The following XKR6 variants were observed in gnomAD, a reference collection of about 807,000 sequenced individuals.
XKR6 encodes the protein XK related 6.
XKR6 carries 22 observed loss-of-function variants against 56.7 expected under a neutral mutation model. That is an observed-to-expected ratio of 0.39 (90% CI 0.28 to 0.55). XKR6 has a LOEUF of 0.55. XKR6 is among the 20% of genes least tolerant of loss of function. The pLI is 0.66. For missense variants in XKR6, 852 were observed against 889.0 expected, an observed-to-expected ratio of 0.96 and a Z score of 0.53; for synonymous variants, 524 against 387.8, an observed-to-expected ratio of 1.35 and a Z score of -4.13.
At chr8:11,081,178 G>T (rs1293620632) in intron 1 of XKR6, among the ~76,000 whole-genome samples, 2 of 152,186 alleles carry the variant, frequency 1.3e-5, no homozygotes, top group Non-Finnish European at 2.9e-5. Flanking sequence ...CTTAAGAAAA[G>T]CACTAAAATC....
intron 1 of XKR6, among the ~76,000 whole-genome samples, chr8:11,116,730 G>A (rs183187256): frequency 2.6e-5 from 4 of 152,168 alleles, no homozygotes; most frequent in East Asian, 1.9e-4. Flanking sequence ...TTCGCCTCCC[G>A]AACTCAGATG....
At chr8:10,938,333 A>G (rs143387377) in intron 1 of XKR6, among the ~76,000 whole-genome samples, 1 of 152,202 alleles carries the variant, frequency 6.6e-6, no homozygotes, top group Non-Finnish European at 1.5e-5. Flanking sequence ...CCGGTACCTC[A>G]GATGGAAATG....
At chr8:11,189,255 A>G (rs1045129945) in intron 1 of XKR6, among the ~76,000 whole-genome samples, 2 of 152,198 alleles carry the variant, frequency 1.3e-5, no homozygotes, top group Non-Finnish European at 2.9e-5. Flanking sequence ...GCATAATAAA[A>G]TGCCTCTAAC....
chr8:11,112,671 A>C (rs1165071411), intron 1 of XKR6, among the ~76,000 whole-genome samples: 1 of 152,330 alleles, frequency 6.6e-6, no homozygotes, highest in Non-Finnish European at 1.5e-5. Flanking sequence ...CACTGAGTGC[A>C]CACTGGTTTT....
chr8:11,002,427 A>G lies in XKR6; in HGVS notation c.765-77597T>C, dbSNP rs547690996. 1.3e-4 allele frequency: 52 copies of G among 411,826 alleles called. 1 individual carries two copies. Among genetic ancestry groups the G allele is most frequent in the Admixed American group, 8.9e-4 (32 of 36,090 alleles). 25.5% of individuals were successfully genotyped at this position (411,826 alleles called of 1,614,324 possible). A position where few individuals can be genotyped will look rare whatever the true frequency, so the allele number is the denominator to read the frequency against. ...GGCCTGGGGGAGGCCCGCGTGCAGC[A>G]GTACACAGTGTTTGCAGTTCTCTTC... is the stretch of plus-strand genomic sequence containing the variant. On this transcript the variant is annotated intron_variant, in intron 1 of 2. Coordinates refer to ENST00000416569, the MANE Select transcript of XKR6 (RefSeq NM_173683.4).
intron 1 of XKR6, among the ~76,000 whole-genome samples, chr8:11,149,286 T>G (rs186687324): frequency 2.0e-5 from 3 of 152,332 alleles, no homozygotes; most frequent in African/African-American, 4.8e-5. Context: ...CAAACCTGCA[T>G]GGCAGGCTAC....
chr8:11,093,611 A>T (rs1017218288), intron 1 of XKR6, among the ~76,000 whole-genome samples: 4 of 152,030 alleles, frequency 2.6e-5, no homozygotes, highest in Non-Finnish European at 5.9e-5. Flanking sequence ...GATGCCTTCA[A>T]ATTTAGTTTA....
chr8:11,083,402 A>C (rs1396791202), intron 1 of XKR6, among the ~76,000 whole-genome samples: 1 of 152,100 alleles, frequency 6.6e-6, no homozygotes, highest in Non-Finnish European at 1.5e-5. Context: ...GCTGGGAGCC[A>C]CCTGTCAGGG....
intron 1 of XKR6, among the ~76,000 whole-genome samples, chr8:11,159,654 G>A (rs778750550): frequency 1.1e-4 from 16 of 152,236 alleles, no homozygotes; most frequent in Non-Finnish European, 2.1e-4. Flanking sequence ...GGCAATCTGT[G>A]TTTTGATAAG....
chr8:10,995,034 T>C (rs1798078417), intron 1 of XKR6, among the ~76,000 whole-genome samples: 1 of 152,174 alleles, frequency 6.6e-6, no homozygotes, highest in South Asian at 2.1e-4. Context: ...GGGGCCTCCT[T>C]GTACGAACAG....
intron 2 of XKR6, among the ~76,000 whole-genome samples, chr8:10,912,809 G>A (rs2129111612): frequency 6.9e-6 from 1 of 145,962 alleles, no homozygotes; most frequent in African/African-American, 2.6e-5. Flanking sequence ...TAGAGAGAGA[G>A]GCGAGTATAT....
intron 1 of XKR6, among the ~76,000 whole-genome samples, chr8:11,015,768 G>A (rs2129147114): frequency 6.6e-6 from 1 of 152,206 alleles, no homozygotes; most frequent in Non-Finnish European, 1.5e-5. Context: ...ATTAAGGTGA[G>A]AAGTGGGAGG....
intron 1 of XKR6, among the ~76,000 whole-genome samples, chr8:10,994,989 G>C (rs923965657): frequency 6.6e-6 from 1 of 152,150 alleles, no homozygotes; most frequent in Non-Finnish European, 1.5e-5. Context: ...AGAGAGATGA[G>C]CTCAAGCCCT....
At chr8:10,908,227 G>T (rs1055693796) in intron 2 of XKR6, among the ~76,000 whole-genome samples, 1 of 152,206 alleles carries the variant, frequency 6.6e-6, no homozygotes, top group Admixed American at 6.5e-5. Context: ...CATGCAACGA[G>T]CATGAAGGAA....
At chr8:11,035,027 T>C (rs1434971644) in intron 1 of XKR6, among the ~76,000 whole-genome samples, 1 of 152,170 alleles carries the variant, frequency 6.6e-6, no homozygotes, top group Non-Finnish European at 1.5e-5. Context: ...TGCGTACACA[T>C]TTAGTAGTAG....
At chr8:10,933,707 T>G (rs1039225135) in intron 1 of XKR6, among the ~76,000 whole-genome samples, 2 of 148,892 alleles carry the variant, frequency 1.3e-5, no homozygotes, top group African/African-American at 5.1e-5. Flanking sequence ...CAGATAGTTG[T>G]AGGTAAGCGG....
intron 1 of XKR6, among the ~76,000 whole-genome samples, chr8:10,999,574 T>C (rs1001614524): frequency 6.6e-6 from 1 of 152,206 alleles, no homozygotes; most frequent in African/African-American, 2.4e-5. Context: ...AAGGGTTTGG[T>C]CAATGCTATG....
intron 1 of XKR6, among the ~76,000 whole-genome samples, chr8:11,019,827 T>C (rs1472905102): frequency 1.3e-5 from 2 of 152,202 alleles, no homozygotes; most frequent in East Asian, 3.9e-4. Context: ...CTGTGGCCTC[T>C]GAGGATGCTG....
chr8:11,104,355 GTATC>G (rs1466336783), intron 1 of XKR6, among the ~76,000 whole-genome samples: 2 of 152,338 alleles, frequency 1.3e-5, no homozygotes, highest in East Asian at 3.9e-4. Context: ...AGAAATCTCA[GTATC>G]TTTCTTGGAA....
Sources: allele counts gnomAD v4.1 joint callset (sites outside exome capture counted in the v4.1 genomes callset), GRCh38; gene constraint gnomAD v4.1.1; transcripts MANE v1.5; gene names NCBI Gene and HGNC (gene_info 2026-07-23, HGNC 2026-07-21).